The following PPP2R2B variants were observed in gnomAD, a reference collection of about 807,000 sequenced individuals.
The protein encoded by PPP2R2B is serine/threonine-protein phosphatase 2A 55 kDa regulatory subunit B beta isoform.
In PPP2R2B, 5 loss-of-function variants were observed where a neutral mutation model predicts 46.0. The observed-to-expected ratio is 0.11, with a 90% CI of 0.06 to 0.23. The LOEUF (loss-of-function observed/expected upper bound fraction) is 0.23. PPP2R2B is among the 10% of genes least tolerant of loss of function. The pLI is 1.00. For missense variants in PPP2R2B, 367 were observed against 575.0 expected (o/e 0.64, Z 3.70); for synonymous variants, 215 against 206.7 (o/e 1.04, Z -0.34).
chr5:146,701,196 G>T, intron 2 of PPP2R2B, 54 bp from the exon 3 acceptor site: 7 of 1,349,036 alleles, frequency 5.2e-6, no homozygotes, highest in Non-Finnish European at 7.5e-6. Context: ...ACTTTGAAAG[G>T]ATAGATAATA....
At chr5:146,826,848 A>C (rs1758610697) in intron 2 of PPP2R2B, among the ~76,000 whole-genome samples, 1 of 152,034 alleles carries the variant, frequency 6.6e-6, no homozygotes, top group Non-Finnish European at 1.5e-5. Context: ...TTCTGCCTAC[A>C]CCATACATCT....
chr5:146,838,181 T>C (rs1759408479), intron 2 of PPP2R2B, among the ~76,000 whole-genome samples: 1 of 152,198 alleles, frequency 6.6e-6, no homozygotes, highest in African/African-American at 2.4e-5. Flanking sequence ...CTCTAATACT[T>C]ATATTGTGAC....
intron 5 of PPP2R2B, among the ~76,000 whole-genome samples, chr5:146,682,824 C>A (rs901649725): frequency 6.6e-6 from 1 of 152,174 alleles, no homozygotes; most frequent in Non-Finnish European, 1.5e-5. Context: ...CATGGATGCT[C>A]ATTCTAAATC....
intron 1 of PPP2R2B, among the ~76,000 whole-genome samples, chr5:147,035,476 A>T (rs910312969): frequency 1.3e-5 from 2 of 152,172 alleles, no homozygotes; most frequent in Non-Finnish European, 2.9e-5. Context: ...AAGTCAGGTC[A>T]TTCTCTCTGA....
chr5:146,825,353 A>G (rs1758514397), intron 2 of PPP2R2B, among the ~76,000 whole-genome samples: 2 of 152,232 alleles, frequency 1.3e-5, no homozygotes, highest in South Asian at 4.1e-4. Context: ...TTATTTGGAA[A>G]AAGAAAACAC....
chr5:146,859,940 T>C (rs1012187650), intron 2 of PPP2R2B, among the ~76,000 whole-genome samples: 1 of 152,204 alleles, frequency 6.6e-6, no homozygotes, highest in Non-Finnish European at 1.5e-5. Flanking sequence ...GAAGTTTACC[T>C]TGGAGAGATG....
intron 2 of PPP2R2B, among the ~76,000 whole-genome samples, chr5:147,066,072 C>G (rs1169590018): frequency 1.3e-5 from 2 of 152,150 alleles, no homozygotes; most frequent in Admixed American, 6.5e-5. Context: ...TAAGCCTGCT[C>G]TCTTAACTAC....
chr5:146,650,385 G>T (rs1775873645), intron 6 of PPP2R2B, among the ~76,000 whole-genome samples, 162 bp downstream of exon 6: 1 of 152,108 alleles, frequency 6.6e-6, no homozygotes, highest in Non-Finnish European at 1.5e-5. Context: ...TAACTTTATT[G>T]TTATGATTAA....
At position 146,878,260 on chromosome 5, in the gene PPP2R2B, C is replaced by T. The variant is rs1283188905; in HGVS notation, c.-124-65G>A. On this transcript the variant is annotated intron_variant, in intron 1 of 9. Coordinates refer to ENST00000394411, the MANE Select transcript of PPP2R2B (RefSeq NM_181675.4). This position sits in a 1 kb window ranked among gnomAD's most constrained non-coding sequence, Gnocchi z 4.5. Reference sequence around the variant, plus strand: ...AACCCGGCAATGGAGCTGTCACCTCCTCCACTCGGGTTCTGCGAGGCTGCG... The same window carrying T: ...AACCCGGCAATGGAGCTGTCACCTCTTCCACTCGGGTTCTGCGAGGCTGCG... The T allele has an allele frequency of 4.0e-6, 6 of 1,493,664 alleles. No homozygotes were observed. The highest frequency in any genetic ancestry group is 2.8e-5 in the African/African-American group (2 of 71,582). 92.5% of individuals were successfully genotyped at this position (1,493,664 alleles called of 1,614,324 possible). A position where few individuals can be genotyped will look rare whatever the true frequency, so the allele number is the denominator to read the frequency against.
At chr5:146,766,497 G>A (rs886179517) in intron 2 of PPP2R2B, among the ~76,000 whole-genome samples, 2 of 152,166 alleles carry the variant, frequency 1.3e-5, no homozygotes, top group Admixed American at 1.3e-4. Context: ...GTCTGACCAA[G>A]ACTGAGGTAA....
chr5:147,026,293 G>C (rs1271893071), intron 1 of PPP2R2B, among the ~76,000 whole-genome samples: 1 of 152,040 alleles, frequency 6.6e-6, no homozygotes, highest in Non-Finnish European at 1.5e-5. Context: ...GCAATAAAAA[G>C]ATCGAACTAT....
chr5:146,869,538 C>T (rs10037715), intron 2 of PPP2R2B, among the ~76,000 whole-genome samples: 45,046 of 151,932 alleles, frequency 0.3, 6,882 homozygotes, highest in East Asian at 0.35. Context: ...GCAAATAAAA[C>T]GGGCAGTGTG....
At chr5:146,619,076 C>T (rs1773455549) in intron 7 of PPP2R2B, among the ~76,000 whole-genome samples, 2 of 152,050 alleles carry the variant, frequency 1.3e-5, no homozygotes, top group African/African-American at 4.8e-5. Flanking sequence ...CTGAAATGCT[C>T]CATTGAGGTC....
intron 2 of PPP2R2B, among the ~76,000 whole-genome samples, chr5:146,808,214 C>T (rs1041987747): frequency 2.0e-5 from 3 of 152,114 alleles, no homozygotes; most frequent in Non-Finnish European, 2.9e-5. Context: ...AATCAGTAGC[C>T]ACATACAGTG....
chr5:146,722,050 A>G (rs1780838428), intron 2 of PPP2R2B, among the ~76,000 whole-genome samples: 1 of 152,186 alleles, frequency 6.6e-6, no homozygotes, highest in Non-Finnish European at 1.5e-5. Flanking sequence ...CCCATTTTAC[A>G]GATGAGGAAA....
intron 2 of PPP2R2B, chr5:146,751,284 T>C (rs1753541635): frequency 6.6e-6 from 1 of 152,218 alleles, no homozygotes; most frequent in African/African-American, 2.4e-5. Flanking sequence ...TCACAGAACA[T>C]AGCGGGGAAG....
At chr5:147,045,772 T>A (rs1756516353) in intron 1 of PPP2R2B, among the ~76,000 whole-genome samples, 1 of 152,164 alleles carries the variant, frequency 6.6e-6, no homozygotes, top group Admixed American at 6.6e-5. Context: ...ATCTCCACTG[T>A]ACCCCATCTT....
At chr5:146,649,950 A>C (rs1310146429) in intron 6 of PPP2R2B, among the ~76,000 whole-genome samples, 1 of 152,174 alleles carries the variant, frequency 6.6e-6, no homozygotes, top group African/African-American at 2.4e-5. Flanking sequence ...AAACTGTATA[A>C]TTATAATATG....
rs117940356 is a variant in PPP2R2B, at chr5:146,925,522, A to G, written c.79+130143T>C. Reference sequence around the variant, plus strand: ...AGCCAGCTTAATTGCATGGATGCTCACCTTTCTATGGTGCGTGCTATTCTT... The same window carrying G: ...AGCCAGCTTAATTGCATGGATGCTCGCCTTTCTATGGTGCGTGCTATTCTT... On this transcript the variant is annotated intron_variant, in intron 1 of 8. Coordinates refer to the PPP2R2B transcript ENST00000336640. Among the ~76,000 whole-genome samples, 857 of 152,208 alleles carry G rather than the reference A, an allele frequency of 5.6e-3. 29 individuals are homozygous for G. In the East Asian group the frequency reaches 0.067, roughly 12 times the overall value.
Sources: allele counts gnomAD v4.1 joint callset (sites outside exome capture counted in the v4.1 genomes callset), GRCh38; gene constraint gnomAD v4.1.1; non-coding constraint Gnocchi (gnomAD v3.1); transcripts MANE v1.5; gene names NCBI Gene and HGNC (gene_info 2026-07-23, HGNC 2026-07-21).